The following SLCO5A1 variants were observed in gnomAD, a reference collection of about 807,000 sequenced individuals.
SLCO5A1 encodes solute carrier organic anion transporter family member 5A1.
Under a neutral mutation model 65.1 loss-of-function variants are expected in SLCO5A1, and 39 were observed. That is an observed-to-expected ratio of 0.60 (90% CI 0.46 to 0.78). The LOEUF (loss-of-function observed/expected upper bound fraction) is 0.78, where lower values mean the gene tolerates loss of function less well. Ranked by LOEUF, SLCO5A1 falls within the 30% of genes least tolerant of loss-of-function variation. The pLI, the probability that SLCO5A1 is intolerant of heterozygous loss-of-function variation, is 0.00. For synonymous variants in SLCO5A1, 438 were observed against 415.7 expected (o/e 1.05, Z -0.65); for missense variants, 1,029 against 1,069.4 (o/e 0.96, Z 0.53).
At chr8:69,747,759 T>G (rs577554674) in intron 4 of SLCO5A1, among the ~76,000 whole-genome samples, 1 of 152,300 alleles carries the variant, frequency 6.6e-6, no homozygotes, top group Admixed American at 6.5e-5. Flanking sequence ...CTTTAAAGCC[T>G]TCTGGTGCGT....
At position 69,832,439 on chromosome 8, in the gene SLCO5A1, A is replaced by T. The variant is rs759029133; in HGVS notation, c.235T>A (p.Leu79Met). The T allele has an allele frequency of 6.2e-7, 1 of 1,613,040 alleles. No homozygotes were observed. Among genetic ancestry groups the T allele is most frequent in the Non-Finnish European group, 8.5e-7 (1 of 1,179,626 alleles). The change falls in exon 2 of 10, where the codon TTG (leucine) becomes ATG (methionine). Residue 79 changes from leucine to methionine, a missense_variant. Coordinates refer to ENST00000260126, the MANE Select transcript of SLCO5A1 (RefSeq NM_030958.3). This position sits in a 1 kb window ranked among gnomAD's most constrained non-coding sequence, Gnocchi z 4.5. The stretch of plus-strand genomic sequence containing the variant: ...GACGGGGCAGAGGGACTGGGGGCCA[A>T]CGGGTTCGGGCCTTGCTTCAACTCC... The part of the protein sequence containing the change: ...HQELKQGPNP[L>M]APSPSAPSTS...
At chr8:69,773,834 A>C (rs189232044) in intron 2 of SLCO5A1, among the ~76,000 whole-genome samples, 8 of 152,290 alleles carry the variant, frequency 5.3e-5, no homozygotes, top group African/African-American at 1.9e-4. Context: ...CTTCAGATGC[A>C]CATGGCTCAC....
chr8:69,734,647 T>C (rs1816479948), intron 5 of SLCO5A1, among the ~76,000 whole-genome samples: 2 of 152,198 alleles, frequency 1.3e-5, no homozygotes, highest in Admixed American at 1.3e-4. Context: ...CAATAGAAGG[T>C]CAGTCCTTCT....
chr8:69,747,550 CAA>C (rs1288668448), intron 4 of SLCO5A1, among the ~76,000 whole-genome samples: 2 of 152,120 alleles, frequency 1.3e-5, no homozygotes, highest in South Asian at 2.1e-4. Context: ...TTATAAGTAA[CAA>C]GAGATGATTT....
At chr8:69,755,955 G>A (rs538032205) in intron 3 of SLCO5A1, among the ~76,000 whole-genome samples, 1 of 152,258 alleles carries the variant, frequency 6.6e-6, no homozygotes, top group African/African-American at 2.4e-5. Context: ...TCTACAATGT[G>A]TATTTTATGA....
chr8:69,766,945 T>C (rs1238233067), intron 2 of SLCO5A1, among the ~76,000 whole-genome samples: 1 of 152,220 alleles, frequency 6.6e-6, no homozygotes, highest in Non-Finnish European at 1.5e-5. Flanking sequence ...TGAACAACAG[T>C]AGATGTCATG....
chr8:69,682,142 G>A (rs776024659), intron 7 of SLCO5A1, 42 bp downstream of exon 7: 1 of 1,571,994 alleles, frequency 6.4e-7, no homozygotes, highest in South Asian at 1.2e-5. Flanking sequence ...CTTGTCACAG[G>A]ATGTTGGACT....
At chr8:69,766,890 G>A (rs1037266262) in intron 2 of SLCO5A1, among the ~76,000 whole-genome samples, 2 of 152,248 alleles carry the variant, frequency 1.3e-5, no homozygotes, top group South Asian at 2.1e-4. Flanking sequence ...TCACAAGCTC[G>A]TTACTCTCAC....
At chr8:69,732,435 C>A (rs576727061) in intron 5 of SLCO5A1, among the ~76,000 whole-genome samples, 1 of 152,098 alleles carries the variant, frequency 6.6e-6, no homozygotes, top group Non-Finnish European at 1.5e-5. Flanking sequence ...TGAAAACAGA[C>A]GTTGTGGACC....
chr8:69,693,684 T>C (rs1380801400), intron 6 of SLCO5A1, among the ~76,000 whole-genome samples: 2 of 152,204 alleles, frequency 1.3e-5, no homozygotes, highest in Non-Finnish European at 2.9e-5. Context: ...AGGAGAAAAA[T>C]ACCATTAAAT....
At chr8:69,677,853 G>A (rs1563655596) in intron 8 of SLCO5A1, among the ~76,000 whole-genome samples, 2 of 152,198 alleles carry the variant, frequency 1.3e-5, no homozygotes, top group African/African-American at 2.4e-5. Flanking sequence ...GAGGAGCCTG[G>A]AGAAAGAGTA....
chr8:69,716,125 C>A (rs2380579), intron 5 of SLCO5A1, among the ~76,000 whole-genome samples: 59,895 of 151,976 alleles, frequency 0.39, 12,198 homozygotes, highest in Non-Finnish European at 0.46. Flanking sequence ...TTCAAGGTTC[C>A]TCTGTGTTAA....
intron 2 of SLCO5A1, among the ~76,000 whole-genome samples, chr8:69,784,895 GAAGAAAGA>G (rs200219200): frequency 0.14 from 12,294 of 85,014 alleles, 875 homozygotes; most frequent in Admixed American, 0.17. Context: ...AAGAAGAAAG[GAAGAAAGA>G]AAGAAAGAAA....
intron 5 of SLCO5A1, among the ~76,000 whole-genome samples, chr8:69,721,242 G>A (rs1815803194): frequency 6.6e-6 from 1 of 152,208 alleles, no homozygotes; most frequent in Non-Finnish European, 1.5e-5. Context: ...GAAGCACTGT[G>A]GGTGATTACA....
intron 2 of SLCO5A1, among the ~76,000 whole-genome samples, chr8:69,788,883 ATG>A (rs1179158878): frequency 1.3e-5 from 2 of 152,194 alleles, no homozygotes; most frequent in Non-Finnish European, 2.9e-5. Context: ...GCTATTGCAA[ATG>A]TCTTAGGTTG....
intron 4 of SLCO5A1, among the ~76,000 whole-genome samples, chr8:69,743,024 T>C (rs958551604): frequency 3.9e-5 from 6 of 151,970 alleles, no homozygotes; most frequent in Admixed American, 1.3e-4. Context: ...ATGGTCTCGA[T>C]CTCCTGACCT....
chr8:69,834,471 G>A (rs1821329823), intron 1 of SLCO5A1, among the ~76,000 whole-genome samples: 1 of 152,216 alleles, frequency 6.6e-6, no homozygotes, highest in Non-Finnish European at 1.5e-5. Flanking sequence ...TTCCCGGCCT[G>A]CCAGCCACTC....
intron 2 of SLCO5A1, among the ~76,000 whole-genome samples, chr8:69,820,766 T>C (rs1286862095): frequency 1.3e-5 from 2 of 152,182 alleles, no homozygotes; most frequent in Non-Finnish European, 2.9e-5. Context: ...GAGCAAAATA[T>C]ATCTATGCAT....
rs561333613 is a variant in SLCO5A1, at chr8:69,807,531, G to A, written c.907+24236C>T. Among the ~76,000 whole-genome samples the A allele has an allele frequency of 3.3e-5, 5 of 152,230 alleles. No individual in the cohort carries two copies. In the South Asian group the frequency reaches 1.0e-3, roughly 32 times the overall value. ...TCCACTTCTGGCCCTCTCCCGCACA[G>A]CCTCTGAAACCACACTCTATTCTCT... On this transcript the variant is annotated intron_variant, in intron 2 of 9. Transcript: ENST00000260126.
Sources: gnomAD v4.1 joint callset for allele counts (sites outside exome capture counted in the v4.1 genomes callset) on GRCh38, gnomAD v4.1.1 for gene constraint, Gnocchi (gnomAD v3.1) non-coding constraint, MANE v1.5 for transcripts, NCBI Gene and HGNC (gene_info 2026-07-23, HGNC 2026-07-21) for gene names.